Variants in OSBPL3 observed in about 807,000 individuals in gnomAD.
OSBPL3 encodes the protein oxysterol binding protein like 3.
A neutral mutation model predicts 120.1 loss-of-function variants in OSBPL3; 65 were observed. The observed-to-expected ratio is 0.54, with a 90% CI of 0.44 to 0.67. The LOEUF (loss-of-function observed/expected upper bound fraction) is 0.67. Among genes scored for constraint, OSBPL3 ranks in the 30% least tolerant of loss-of-function variants. The probability of loss-of-function intolerance (pLI) is 0.00; values close to 1 mark genes in which losing one functional copy is unlikely to be tolerated. For missense variants in OSBPL3, 1,004 were observed against 1,082.1 expected (o/e 0.93, Z 1.01); for synonymous variants, 416 against 402.6 (o/e 1.03, Z -0.40).
chr7:24,866,950 G>A (rs555844743), intron 5 of OSBPL3, among the ~76,000 whole-genome samples: 8 of 152,044 alleles, frequency 5.3e-5, no homozygotes, highest in South Asian at 2.1e-4. Context: ...ACAGGTGTGC[G>A]CCATCATGCC....
chr7:24,941,066 GC>G lies in OSBPL3; in HGVS notation c.-150+38819del, dbSNP rs1475753669. Among the ~76,000 whole-genome samples the G allele has an allele frequency of 2.0e-5, 3 of 152,260 alleles. No individual in the cohort carries two copies. In the East Asian group the frequency reaches 5.8e-4, roughly 29 times the overall value. On this transcript the variant is annotated intron_variant, in intron 1 of 22. Coordinates refer to ENST00000313367, the MANE Select transcript of OSBPL3 (RefSeq NM_015550.4). Reference sequence around the variant, plus strand: ...GATCTCCTGACCTTGTGATCCACCTGCCTTGGCCTCCCAAAGTGCTGGGATT... The same window carrying G: ...GATCTCCTGACCTTGTGATCCACCTGCTTGGCCTCCCAAAGTGCTGGGATT...
chr7:24,979,236 C>T (rs1470190960), intron 1 of OSBPL3, among the ~76,000 whole-genome samples: 1 of 151,226 alleles, frequency 6.6e-6, no homozygotes, highest in Admixed American at 6.6e-5. Context: ...GACACTGAGA[C>T]GAGAGTTAGG....
intron 2 of OSBPL3, among the ~76,000 whole-genome samples, chr7:24,885,415 G>T (rs75837195): frequency 3.9e-5 from 6 of 151,944 alleles, no homozygotes; most frequent in African/African-American, 1.2e-4. Flanking sequence ...TCTGGAGTGC[G>T]GCATAATCTA....
chr7:24,868,501 A>G (rs1801675324), intron 5 of OSBPL3, among the ~76,000 whole-genome samples: 1 of 152,092 alleles, frequency 6.6e-6, no homozygotes, highest in Non-Finnish European at 1.5e-5. Flanking sequence ...ACAGTAGGTT[A>G]ACTTCCAAGA....
intron 2 of OSBPL3, among the ~76,000 whole-genome samples, chr7:24,876,997 GATTT>G (rs1802946575): frequency 1.3e-5 from 2 of 152,058 alleles, no homozygotes; most frequent in African/African-American, 4.8e-5. Flanking sequence ...TTTGAGATTG[GATTT>G]ATTAGTATTC....
Position 24,806,538 on chromosome 7 carries a change from C to CT in OSBPL3, c.2444+237dup, listed in dbSNP as rs1229357890. Among the ~76,000 whole-genome samples the CT allele has an allele frequency of 3.3e-5, 5 of 152,154 alleles. No homozygotes were observed. The highest frequency in any genetic ancestry group is 1.2e-4 in the African/African-American group (5 of 41,518). On this transcript the variant is annotated intron_variant, in intron 21 of 22. Coordinates refer to ENST00000313367, the MANE Select transcript of OSBPL3 (RefSeq NM_015550.4). This position sits in a 1 kb window ranked among gnomAD's most constrained non-coding sequence, Gnocchi z 5.2. ...CAGTAAAACTCTTCAAAATAAACAC[C>CT]TTTTTTGGCATTTCAATGCAAATGG...
rs1369866261 is a variant in OSBPL3 at position 24,936,317 on chromosome 7, T to C, written c.-150+43569A>G. 2.0e-5 allele frequency among the ~76,000 whole-genome samples: 3 copies of C among 152,206 alleles called. No individual in the cohort carries two copies. On this transcript the variant is annotated intron_variant, in intron 1 of 22. Coordinates refer to ENST00000313367, the MANE Select transcript of OSBPL3 (RefSeq NM_015550.4). The surrounding 1 kb of genome is among the most constrained non-coding windows in gnomAD (Gnocchi z 4.2). ...CTTTTCCTCTCACAATCCACAAACATGAATACGTTCTTTCAATATAACCTT... is the reference window on the plus strand; with the variant it reads ...CTTTTCCTCTCACAATCCACAAACACGAATACGTTCTTTCAATATAACCTT...
At position 24,872,610 on chromosome 7, in the gene OSBPL3, G is replaced by A. The variant is rs1167201004; in HGVS notation, c.97-541C>T. ...GAAAATCAGCATCCACAAATTCTAG[G>A]TATTTAAATGTACTGGAAATCTGGA... On this transcript the variant is annotated intron_variant, in intron 2 of 22. Transcript: ENST00000313367. The surrounding 1 kb of genome is among the most constrained non-coding windows in gnomAD (Gnocchi z 4.1). Among the ~76,000 whole-genome samples, 1 of 152,018 alleles carries A rather than the reference G, an allele frequency of 6.6e-6. No individual in the cohort carries two copies. Among genetic ancestry groups the A allele is most frequent in the Non-Finnish European group, 1.5e-5 (1 of 68,006 alleles).
Position 24,933,156 on chromosome 7 carries a change from G to A in OSBPL3, c.-149-40535C>T, listed in dbSNP as rs994440207. On this transcript the variant is annotated intron_variant, in intron 1 of 22. Coordinates refer to ENST00000313367, the MANE Select transcript of OSBPL3 (RefSeq NM_015550.4). This position sits in a 1 kb window ranked among gnomAD's most constrained non-coding sequence, Gnocchi z 5.1. ...GAACTGGGACCCAGCTGAGAGGGGG[G>A]TTCGCTGCTCAAGGTTAAAATGGGG... Among the ~76,000 whole-genome samples the A allele has an allele frequency of 6.6e-6, 1 of 152,222 alleles. No individual in the cohort carries two copies. Among genetic ancestry groups the A allele is most frequent in the Non-Finnish European group, 1.5e-5 (1 of 68,030 alleles).
In OSBPL3 at chr7:24,899,940, G is replaced by A. The variant is rs965304375; in HGVS notation, c.-149-7319C>T. Among the ~76,000 whole-genome samples the A allele has an allele frequency of 6.6e-6, 1 of 152,198 alleles. No homozygotes were observed. Among genetic ancestry groups the A allele is most frequent in the African/African-American group, 2.4e-5 (1 of 41,434 alleles). On this transcript the variant is annotated intron_variant, in intron 1 of 22. Transcript: ENST00000313367. The surrounding 1 kb of genome is among the most constrained non-coding windows in gnomAD (Gnocchi z 4.0). ...TGATTTTTGCTTAAAGTTTGAGAAC[G>A]TAACTGACTTAGCCTGTAGCTTTCA... is the stretch of plus-strand genomic sequence containing the variant.
chr7:24,807,788 T>C (rs1375046629), intron 20 of OSBPL3, among the ~76,000 whole-genome samples: 1 of 152,234 alleles, frequency 6.6e-6, no homozygotes, highest in East Asian at 1.9e-4. Context: ...AAGCTAAACA[T>C]ACCCAAATTT....
chr7:24,928,750 A>C (rs1251653182), intron 1 of OSBPL3, among the ~76,000 whole-genome samples: 1 of 152,150 alleles, frequency 6.6e-6, no homozygotes, highest in East Asian at 1.9e-4. Context: ...ACTTTGTATT[A>C]ATGGAATCAT....
intron 12 of OSBPL3, among the ~76,000 whole-genome samples, chr7:24,844,817 T>G (rs1302923978): frequency 6.6e-6 from 1 of 150,770 alleles, no homozygotes; most frequent in Admixed American, 6.7e-5. Flanking sequence ...TGCTGGTATT[T>G]TCATATTAAA....
chr7:24,908,429 T>C (rs577539669), intron 1 of OSBPL3, among the ~76,000 whole-genome samples: 65 of 152,306 alleles, frequency 4.3e-4, no homozygotes, highest in African/African-American at 1.5e-3. Context: ...GAAAGCGCCC[T>C]CCATAGCCTC....
rs560321105 is a variant in OSBPL3, at chr7:24,940,955, G to A, written c.-150+38931C>T. Among the ~76,000 whole-genome samples, 7 of 152,112 alleles carry A rather than the reference G, an allele frequency of 4.6e-5. No homozygotes were observed. The South Asian group carries it at 1.2e-3, about 27-fold the overall frequency. ...CTGCCCCAGCCTCCCAAGTAGCTGGGACTACAGGCTCCTGCCACTGCGTCC... is the reference window on the plus strand; with the variant it reads ...CTGCCCCAGCCTCCCAAGTAGCTGGAACTACAGGCTCCTGCCACTGCGTCC... On this transcript the variant is annotated intron_variant, in intron 1 of 22. Coordinates refer to ENST00000313367, the MANE Select transcript of OSBPL3 (RefSeq NM_015550.4). The surrounding 1 kb of genome is among the most constrained non-coding windows in gnomAD (Gnocchi z 4.4).
intron 13 of OSBPL3, among the ~76,000 whole-genome samples, chr7:24,841,865 T>C (rs1362068725): frequency 6.6e-6 from 1 of 151,242 alleles, no homozygotes; most frequent in Non-Finnish European, 1.5e-5. Context: ...ACACAAAAAT[T>C]AGCCAGACAC....
Position 24,803,518 on chromosome 7 carries a change from T to C in OSBPL3, c.2567+797A>G, listed in dbSNP as rs1792635114. ...ATCTATTGGCTGGGCACGGTGGCTC[T>C]TACCTGTACTTTGGGAGGCTGAGGC... On this transcript the variant is annotated intron_variant, in intron 22 of 22. Coordinates refer to ENST00000313367, the MANE Select transcript of OSBPL3 (RefSeq NM_015550.4). This position sits in a 1 kb window ranked among gnomAD's most constrained non-coding sequence, Gnocchi z 4.2. 6.6e-6 allele frequency among the ~76,000 whole-genome samples: 1 copy of C among 152,082 alleles called. No homozygotes were observed. The highest frequency in any genetic ancestry group is 1.5e-5 in the Non-Finnish European group (1 of 68,012).
At position 24,830,831 on chromosome 7, in the gene OSBPL3, C is replaced by T. The variant is rs779113063; in HGVS notation, c.1821G>A (p.Pro607=). Reference sequence around the variant, plus strand: ...TACATTCATATGTTTCTCCAAGAACCGGATTAAATGGCTTGCTTCCAGCTC... The same window carrying T: ...TACATTCATATGTTTCTCCAAGAACTGGATTAAATGGCTTGCTTCCAGCTC... ...YYRAGSKPFN[P]VLGETYECIR... The change falls in exon 16 of 23, where the codon CCG becomes CCA. Residue 607 remains proline (P), a synonymous_variant. Transcript: ENST00000313367. This position sits in a 1 kb window ranked among gnomAD's most constrained non-coding sequence, Gnocchi z 4.4. 20 of 1,613,898 alleles carry T rather than the reference C, an allele frequency of 1.2e-5. No homozygotes were observed. The highest frequency in any genetic ancestry group is 4.4e-5 in the South Asian group (4 of 91,062).
chr7:24,961,690 A>G (rs1460873460), intron 1 of OSBPL3, among the ~76,000 whole-genome samples: 1 of 152,186 alleles, frequency 6.6e-6, no homozygotes, highest in Non-Finnish European at 1.5e-5. Context: ...ACAAATTTCT[A>G]TTGTTCATAA....
Sources: allele counts gnomAD v4.1 joint callset (sites outside exome capture counted in the v4.1 genomes callset), GRCh38; gene constraint gnomAD v4.1.1; non-coding constraint Gnocchi (gnomAD v3.1); transcripts MANE v1.5; gene names NCBI Gene and HGNC (gene_info 2026-07-23, HGNC 2026-07-21).